The following ETV1 variants were observed in gnomAD, a reference collection of about 807,000 sequenced individuals.
ETV1 encodes the protein ETS translocation variant 1.
ETV1 carries 27 observed loss-of-function variants against 62.3 expected under a neutral mutation model. The observed-to-expected ratio is 0.43, with a 90% CI of 0.32 to 0.60. The LOEUF (loss-of-function observed/expected upper bound fraction) is 0.60, where lower values mean the gene tolerates loss of function less well. Among genes scored for constraint, ETV1 ranks in the 20% least tolerant of loss-of-function variants. The pLI is 0.06. For synonymous variants in ETV1, 222 were observed against 199.6 expected (o/e 1.11, Z -0.94); for missense variants, 605 against 605.8 (o/e 1.00, Z 0.01).
chr7:13,938,253 T>C lies in ETV1; in HGVS notation c.365+864A>G, dbSNP rs564635578. Among the ~76,000 whole-genome samples the C allele has an allele frequency of 7.9e-5, 12 of 152,306 alleles. No homozygotes were observed. The East Asian group carries it at 2.3e-3, about 29-fold the overall frequency. The stretch of plus-strand genomic sequence containing the variant: ...AGCCACTGCGTCTGGCCTATGTTTC[T>C]AGAATCTTACATATCTTGGACATAA... On this transcript the variant is annotated intron_variant, in intron 7 of 13. Transcript: ENST00000430479.
In ETV1 at chr7:13,971,251, G is replaced by A. The variant is rs563212480; in HGVS notation, c.235+6176C>T. On this transcript the variant is annotated intron_variant, in intron 6 of 13. Coordinates refer to ENST00000430479, the MANE Select transcript of ETV1 (RefSeq NM_004956.5). ...CTCCCAAAGTGCTGGGACTACAGGC[G>A]TGAGCCAATGTGCCCGACCCAAATG... Among the ~76,000 whole-genome samples, 87 of 152,314 alleles carry A rather than the reference G, an allele frequency of 5.7e-4. 2 individuals are homozygous for A. In the South Asian group the frequency reaches 0.016, roughly 28 times the overall value.
intron 7 of ETV1, among the ~76,000 whole-genome samples, chr7:13,938,889 T>G (rs1467248558): frequency 6.6e-6 from 1 of 152,172 alleles, no homozygotes; most frequent in Admixed American, 6.5e-5. Context: ...ATCACTACAG[T>G]AGAAAAGCAA....
chr7:13,928,612 CA>C (rs796252098), intron 9 of ETV1, among the ~76,000 whole-genome samples: 1 of 147,828 alleles, frequency 6.8e-6, no homozygotes, highest in Non-Finnish European at 1.5e-5. Context: ...GACTCCATCT[CA>C]AAAAAAAAGA....
Position 13,989,276 on chromosome 7 carries a change from A to G in ETV1, c.-96T>C. The G allele has an allele frequency of 7.3e-6, 4 of 547,060 alleles. No homozygotes were observed. Among genetic ancestry groups the G allele is most frequent in the Non-Finnish European group, 9.7e-6 (3 of 310,678 alleles). 33.9% of individuals were successfully genotyped at this position (547,060 alleles called of 1,614,324 possible). ...TACACCGCCTCCTTCACCTGGATCC[A>G]AAGAGAGCCAACAGAGTTCACAATT... On this transcript the variant is annotated 5_prime_UTR_variant, in exon 2 of 14. Coordinates refer to ENST00000430479, the MANE Select transcript of ETV1 (RefSeq NM_004956.5).
chr7:13,989,411 C>T lies in ETV1; in HGVS notation c.-231G>A. ...ACCCCGGGCAGCTCTGATTCGCAAA[C>T]GTGTGCAAAACTAGCAATGGCGATC... On this transcript the variant is annotated 5_prime_UTR_variant, in exon 2 of 14. Coordinates refer to ENST00000430479, the MANE Select transcript of ETV1 (RefSeq NM_004956.5). 1 of 434,238 alleles carries T rather than the reference C, an allele frequency of 2.3e-6. No individual in the cohort carries two copies. Among genetic ancestry groups the T allele is most frequent in the Admixed American group, 4.1e-5 (1 of 24,218 alleles). 26.9% of individuals were successfully genotyped at this position (434,238 alleles called of 1,614,324 possible).
At chr7:13,898,239 C>T (rs137864443) in intron 13 of ETV1, among the ~76,000 whole-genome samples, 1 of 151,956 alleles carries the variant, frequency 6.6e-6, no homozygotes, top group African/African-American at 2.4e-5. Context: ...CTGAGACAGA[C>T]AGAAAAAACA....
intron 6 of ETV1, among the ~76,000 whole-genome samples, chr7:13,956,847 T>G (rs1194539652): frequency 6.6e-6 from 1 of 152,138 alleles, no homozygotes; most frequent in Non-Finnish European, 1.5e-5. Context: ...TCACATAAAT[T>G]TCATTTAAGT....
chr7:13,942,981 A>C (rs1440509542), intron 6 of ETV1, among the ~76,000 whole-genome samples: 1 of 152,320 alleles, frequency 6.6e-6, no homozygotes, highest in African/African-American at 2.4e-5. Context: ...ATATCAGCAA[A>C]TTAGGCTTCA....
At chr7:13,924,943 T>G (rs1279160645) in intron 9 of ETV1, among the ~76,000 whole-genome samples, 1 of 152,184 alleles carries the variant, frequency 6.6e-6, no homozygotes, top group East Asian at 1.9e-4. Flanking sequence ...AAGAGTTACG[T>G]GCCTCCAAAT....
intron 6 of ETV1, among the ~76,000 whole-genome samples, chr7:13,940,905 A>G (rs1199488606): frequency 6.6e-6 from 1 of 152,206 alleles, no homozygotes; most frequent in African/African-American, 2.4e-5. Flanking sequence ...AATATTCTAG[A>G]AAACAAATTT....
intron 7 of ETV1, among the ~76,000 whole-genome samples, chr7:13,938,668 A>C (rs1787096454): frequency 6.6e-6 from 1 of 152,262 alleles, no homozygotes; most frequent in African/African-American, 2.4e-5. Context: ...GCTAAGCCTT[A>C]TGAAATTCCA....
At chr7:13,907,342 T>G (rs1053422359) in intron 11 of ETV1, among the ~76,000 whole-genome samples, 1 of 152,148 alleles carries the variant, frequency 6.6e-6, no homozygotes, top group Non-Finnish European at 1.5e-5. Flanking sequence ...GAATTTAACT[T>G]GCTATTGTTT....
chr7:13,928,230 A>G (rs1785654583), intron 9 of ETV1, among the ~76,000 whole-genome samples: 1 of 152,216 alleles, frequency 6.6e-6, no homozygotes, highest in South Asian at 2.1e-4. Flanking sequence ...CTTCTTAAGA[A>G]AAGTTATACA....
intron 7 of ETV1, among the ~76,000 whole-genome samples, chr7:13,938,069 T>C (rs144442489): frequency 0.017 from 2,664 of 152,232 alleles, 86 homozygotes; most frequent in African/African-American, 0.06. Flanking sequence ...CCTCAGCCTC[T>C]GTAGTAGCTG....
chr7:13,938,500 G>T (rs1488066524), intron 7 of ETV1, among the ~76,000 whole-genome samples: 4 of 152,160 alleles, frequency 2.6e-5, no homozygotes, highest in Admixed American at 1.3e-4. Flanking sequence ...TGCAATTAAA[G>T]GCCAATATGA....
In ETV1 at chr7:13,945,255, G is replaced by C. The variant is rs763169394; in HGVS notation, c.236-6009C>G. Among the ~76,000 whole-genome samples, 3 of 152,062 alleles carry C rather than the reference G, an allele frequency of 2.0e-5. No individual in the cohort carries two copies. In the East Asian group the frequency reaches 5.8e-4, roughly 29 times the overall value. On this transcript the variant is annotated intron_variant, in intron 6 of 13. Coordinates refer to ENST00000430479, the MANE Select transcript of ETV1 (RefSeq NM_004956.5). The stretch of plus-strand genomic sequence containing the variant: ...AATCCACTGTGATCTGATGTATGCC[G>C]CATTCAAATAGGTCCAGTAGTTGAA...
chr7:13,911,648 A>G (rs1783582214), intron 9 of ETV1, among the ~76,000 whole-genome samples: 1 of 152,244 alleles, frequency 6.6e-6, no homozygotes, highest in East Asian at 1.9e-4. Context: ...GACATTTAGC[A>G]AATAAATTTG....
intron 5 of ETV1, among the ~76,000 whole-genome samples, chr7:13,981,639 C>T (rs1280799851): frequency 6.6e-6 from 1 of 151,586 alleles, no homozygotes; most frequent in African/African-American, 2.4e-5. Flanking sequence ...AAGGAAAAGA[C>T]AGAAAGATGC....
chr7:13,899,920 G>A (rs1226780586), intron 13 of ETV1, among the ~76,000 whole-genome samples: 1 of 152,190 alleles, frequency 6.6e-6, no homozygotes, highest in African/African-American at 2.4e-5. Flanking sequence ...CCTGAGGTCA[G>A]GAGTTCAAGA....
Sources: gnomAD v4.1 joint callset for allele counts (sites outside exome capture counted in the v4.1 genomes callset) on GRCh38, gnomAD v4.1.1 for gene constraint, MANE v1.5 for transcripts, NCBI Gene and HGNC (gene_info 2026-07-23, HGNC 2026-07-21) for gene names.